The following NPHP4 variants were observed in gnomAD, a reference collection of about 807,000 sequenced individuals.
NPHP4 encodes nephrocystin 4.
In NPHP4, 151 loss-of-function variants were observed where a neutral mutation model predicts 155.8. The observed-to-expected ratio is 0.97, with a 90% confidence interval of 0.85 to 1.11. The LOEUF (loss-of-function observed/expected upper bound fraction) is 1.11, where lower values mean the gene tolerates loss of function less well. Ranked by LOEUF, NPHP4 falls within the 50% of genes least tolerant of loss-of-function variation. The pLI is 0.00. For missense variants in NPHP4, 1,956 were observed against 1,925.7 expected, an observed-to-expected ratio of 1.02 and a Z score of -0.29; for synonymous variants, 845 against 816.8, an observed-to-expected ratio of 1.03 and a Z score of -0.59.
At chr1:5,987,051 C>A (rs1655593328) in intron 1 of NPHP4, among the ~76,000 whole-genome samples, 1 of 152,044 alleles carries the variant, frequency 6.6e-6, no homozygotes, top group Non-Finnish European at 1.5e-5. Flanking sequence ...GGAGTGAGGG[C>A]CACTGGGTCC....
At chr1:5,886,516 A>T (rs1643818216) in intron 18 of NPHP4, 3 of 152,090 alleles carry the variant, frequency 2.0e-5, no homozygotes, top group African/African-American at 7.2e-5. Flanking sequence ...CACACGGCTT[A>T]GTTTTATTGT....
intron 11 of NPHP4, among the ~76,000 whole-genome samples, chr1:5,921,627 A>G (rs1316923833): frequency 6.6e-6 from 1 of 152,202 alleles, no homozygotes; most frequent in Non-Finnish European, 1.5e-5. Flanking sequence ...TTTCTTCTCT[A>G]TAAATTCCCT....
chr1:5,892,079 G>C lies in NPHP4; in HGVS notation c.2144-1051C>G, dbSNP rs571754435. Among the ~76,000 whole-genome samples the C allele has an allele frequency of 6.6e-6, 1 of 152,366 alleles. No individual in the cohort carries two copies. Among genetic ancestry groups the C allele is most frequent in the South Asian group, 2.1e-4 (1 of 4,830 alleles). ...AAGGCAAATAAGGAATCTGGAGGAA[G>C]ACCAAGGAGGAGCTGGTGATTAACA... On this transcript the variant is annotated intron_variant, in intron 16 of 29. Coordinates refer to ENST00000378156, the MANE Select transcript of NPHP4 (RefSeq NM_015102.5). The surrounding 1 kb of genome is among the most constrained non-coding windows in gnomAD (Gnocchi z 4.5).
rs545475596 is a variant in NPHP4, at chr1:5,907,654, C to T, written c.1504-432G>A. Among the ~76,000 whole-genome samples the T allele has an allele frequency of 5.9e-5, 9 of 152,270 alleles. No individual in the cohort carries two copies. The South Asian group carries it at 6.2e-4, about 11-fold the overall frequency. ...GCAATGACCATCTTGATGGCCAGCGCGGGCTCTGGAGACAGCTGTGGATAG... is the reference window on the plus strand; with the variant it reads ...GCAATGACCATCTTGATGGCCAGCGTGGGCTCTGGAGACAGCTGTGGATAG... On this transcript the variant is annotated intron_variant, in intron 12 of 29. Coordinates refer to ENST00000378156, the MANE Select transcript of NPHP4 (RefSeq NM_015102.5).
At chr1:5,930,084 A>G (rs1233600741) in intron 10 of NPHP4, among the ~76,000 whole-genome samples, 1 of 152,186 alleles carries the variant, frequency 6.6e-6, no homozygotes, top group African/African-American at 2.4e-5. Context: ...ATTTATGTGC[A>G]GAGAATTGTT....
At position 5,947,215 on chromosome 1, in the gene NPHP4, A is replaced by T; in HGVS notation, c.1008T>A (p.Ala336=). 1 of 1,613,742 alleles carries T rather than the reference A, an allele frequency of 6.2e-7. No individual in the cohort carries two copies. The highest frequency in any genetic ancestry group is 1.1e-5 in the South Asian group (1 of 91,080). ...GGCGGAGGCGGCTTCTCAAAACCAG[A>T]GCTTGGCTCCCGGAGCTGGGTCAGA... The part of the protein sequence containing the change: ...SSSKTSSGSQ[A]LVLRSRLRLP... The change falls in exon 9 of 30, where the codon GCT becomes GCA. Residue 336 remains alanine (A), a synonymous_variant. Transcript: ENST00000378156.
At chr1:5,946,135 G>A (rs1016980767) in intron 9 of NPHP4, among the ~76,000 whole-genome samples, 1 of 152,096 alleles carries the variant, frequency 6.6e-6, no homozygotes, top group African/African-American at 2.4e-5. Context: ...CCGTGTAGGG[G>A]TCAGTACTAC....
At chr1:5,916,110 T>C (rs1170134107) in intron 11 of NPHP4, among the ~76,000 whole-genome samples, 1 of 152,104 alleles carries the variant, frequency 6.6e-6, no homozygotes, top group Admixed American at 6.5e-5. Context: ...CAGAGGAACA[T>C]TCAAAAGCAA....
At chr1:5,961,653 A>G in intron 6 of NPHP4, 141 bp downstream of exon 6, 1 of 713,726 alleles carries the variant, frequency 1.4e-6, no homozygotes, top group Non-Finnish European at 2.4e-6. Flanking sequence ...GTCCCCCACA[A>G]CCCCCGCCAG....
chr1:5,912,487 G>A (rs921797043), intron 11 of NPHP4, among the ~76,000 whole-genome samples: 4 of 148,330 alleles, frequency 2.7e-5, no homozygotes, highest in Non-Finnish European at 4.4e-5. Context: ...TCGGTGAGCC[G>A]AGATCGCGCC....
chr1:5,949,459 C>T lies in NPHP4; in HGVS notation c.811-1208G>A, dbSNP rs1269837551. Reference sequence around the variant, plus strand: ...TACAGCCCTCCTATGTGCCAAACACCGTTCATGCACATCACGTGTCATTGT... The same window carrying T: ...TACAGCCCTCCTATGTGCCAAACACTGTTCATGCACATCACGTGTCATTGT... On this transcript the variant is annotated intron_variant, in intron 7 of 29. Coordinates refer to ENST00000378156, the MANE Select transcript of NPHP4 (RefSeq NM_015102.5). Among the ~76,000 whole-genome samples the T allele has an allele frequency of 2.6e-5, 4 of 151,988 alleles. No homozygotes were observed. In the East Asian group the frequency reaches 5.8e-4, roughly 22 times the overall value.
At chr1:5,962,557 C>T (rs1650533026) in intron 5 of NPHP4, among the ~76,000 whole-genome samples, 1 of 152,194 alleles carries the variant, frequency 6.6e-6, no homozygotes, top group South Asian at 2.1e-4. Flanking sequence ...CGGAGGAGGG[C>T]AGCACTGGAG....
At position 5,990,162 on chromosome 1, in the gene NPHP4, G is replaced by A. The variant is rs143404803; in HGVS notation, c.-39+2082C>T. 3.7e-3 allele frequency among the ~76,000 whole-genome samples: 559 copies of A among 152,220 alleles called. 1 individual carries two copies. Among genetic ancestry groups the A allele is most frequent in the Non-Finnish European group, 6.0e-3 (409 of 67,996 alleles). On this transcript the variant is annotated intron_variant, in intron 1 of 29. Coordinates refer to ENST00000378156, the MANE Select transcript of NPHP4 (RefSeq NM_015102.5). ...CTGGCCTCTAGGAGTCAAACCAAATGCTCCCTCCTCAGAGCGAGAGCCCCA... is the reference window on the plus strand; with the variant it reads ...CTGGCCTCTAGGAGTCAAACCAAATACTCCCTCCTCAGAGCGAGAGCCCCA...
At chr1:5,949,099 T>G (rs576882566) in intron 7 of NPHP4, among the ~76,000 whole-genome samples, 34 of 152,258 alleles carry the variant, frequency 2.2e-4, no homozygotes, top group African/African-American at 7.9e-4. Flanking sequence ...ACAAAGATAG[T>G]AAAAATACAC....
At chr1:5,929,844 T>A (rs539816630) in intron 10 of NPHP4, among the ~76,000 whole-genome samples, 3 of 152,316 alleles carry the variant, frequency 2.0e-5, no homozygotes, top group African/African-American at 7.2e-5. Flanking sequence ...ATTGCTCCCA[T>A]CTTTTCTGTT....
chr1:5,969,154 C>A lies in NPHP4; in HGVS notation c.385G>T (p.Gly129Trp). The change falls in exon 4 of 30, where the codon GGG (glycine) becomes TGG (tryptophan). Residue 129 changes from glycine (G) to tryptophan (W), a missense_variant. Physicochemically the swap from Gly to Trp is radical, Grantham distance 184 (BLOSUM62 -2). Coordinates refer to ENST00000378156, the MANE Select transcript of NPHP4 (RefSeq NM_015102.5). ...CTGAAGATCCGAAGAATTCCAAACC[C>A]ACAGGACAATGTCTGGAGGCTCCCA... is the stretch of plus-strand genomic sequence containing the variant. ...RDGSLQTLSCGFGILRIFSNQ... is the reference protein window; with the variant it reads ...RDGSLQTLSCWFGILRIFSNQ... 6.4e-7 allele frequency: 1 copy of A among 1,555,774 alleles called. No homozygotes were observed. Among genetic ancestry groups the A allele is most frequent in the East Asian group, 2.4e-5 (1 of 41,288 alleles).
chr1:5,877,908 T>C (rs1349239284), intron 19 of NPHP4, among the ~76,000 whole-genome samples: 1 of 151,982 alleles, frequency 6.6e-6, no homozygotes, highest in Non-Finnish European at 1.5e-5. Context: ...CTGAACAGGG[T>C]CAAGCACTGG....
chr1:5,864,762 G>T, intron 27 of NPHP4: 1 of 540,242 alleles, frequency 1.9e-6, no homozygotes, highest in Non-Finnish European at 3.3e-6. Context: ...CAGAACTGAA[G>T]CCATCTTGGG....
chr1:5,880,000 GGTGCACACACACACAC>G, intron 19 of NPHP4, 98 bp downstream of exon 19: 1 of 1,250,978 alleles, frequency 8.0e-7, no homozygotes, highest in Non-Finnish European at 1.1e-6. Context: ...CACCACGAAT[GGTGCACACACACACAC>G]ATGCACACAC....
Sources: gnomAD v4.1 joint callset for allele counts (sites outside exome capture counted in the v4.1 genomes callset) on GRCh38, gnomAD v4.1.1 for gene constraint, Gnocchi (gnomAD v3.1) non-coding constraint, MANE v1.5 for transcripts, NCBI Gene and HGNC (gene_info 2026-07-23, HGNC 2026-07-21) for gene names.